DMD: variants seen among roughly 807,000 people sequenced by gnomAD.
DMD encodes the protein mutant dystrophin.
DMD carries 63 observed loss-of-function variants against 330.1 expected under a neutral mutation model. The observed-to-expected ratio is 0.19, with a 90% CI of 0.16 to 0.24. The LOEUF is 0.24. Among genes scored for constraint, DMD ranks in the 10% least tolerant of loss-of-function variants. The pLI, the probability that DMD is intolerant of heterozygous loss-of-function variation, is 1.00. For missense variants in DMD, 3,344 were observed against 2,684.1 expected (o/e 1.25, Z -5.43); for synonymous variants, 1,223 against 959.8 (o/e 1.27, Z -5.07).
At chrX:32,491,228 A>G in intron 20 of DMD, 49 bp downstream of exon 20, 1 of 1,200,752 alleles carries the variant, frequency 8.3e-7, no homozygotes, top group South Asian at 1.8e-5. Flanking sequence ...GAAATTGCCA[A>G]GAAATACCTA....
chrX:32,370,011 T>G (rs760528353), intron 34 of DMD, among the ~76,000 whole-genome samples: 2 of 111,363 alleles, frequency 1.8e-5, no homozygotes, highest in Non-Finnish European at 3.8e-5. Context: ...AGGTGAATTC[T>G]GCACTTAGTA....
At chrX:32,846,043 G>C (rs945319433) in intron 3 of DMD, among the ~76,000 whole-genome samples, 1 of 111,662 alleles carries the variant, frequency 9.0e-6, no homozygotes, top group Non-Finnish European at 1.9e-5. Flanking sequence ...TTGTACATAT[G>C]GTTTCTGGCA....
At chrX:31,892,244 TA>T (rs899784141) in intron 47 of DMD, among the ~76,000 whole-genome samples, 3 of 111,738 alleles carry the variant, frequency 2.7e-5, no homozygotes, top group African/African-American at 9.7e-5. Flanking sequence ...AACAAAAATT[TA>T]AAAAATGGAA....
chrX:32,921,884 C>T (rs755185013), intron 2 of DMD, among the ~76,000 whole-genome samples: 2 of 111,473 alleles, frequency 1.8e-5, no homozygotes, highest in Non-Finnish European at 3.8e-5. Context: ...TCTCTTCATC[C>T]ATCTCATGTT....
chrX:31,421,289 AT>A (rs2148942909), intron 60 of DMD, among the ~76,000 whole-genome samples: 1 of 112,410 alleles, frequency 8.9e-6, no homozygotes, highest in Non-Finnish European at 1.9e-5. Flanking sequence ...ACACAGAAAT[AT>A]TTTATAGAAC....
chrX:31,209,683 C>T lies in DMD; in HGVS notation c.9378G>A (p.Leu3126=). ...QKALCLDLLS[L]SAACDALDQH... ...GGTCCAAGGCATCACATGCAGCTGA[C>T]AGGCTCAAGAGATCCACTGCAAAAA... Residue 3126 remains leucine, a synonymous_variant, in exon 65 of 79, where the codon CTG becomes CTA. Coordinates refer to ENST00000357033, the MANE Select transcript of DMD (RefSeq NM_004006.3). The T allele has an allele frequency of 1.7e-6, 2 of 1,211,130 alleles. No homozygotes were observed. Among genetic ancestry groups the T allele is most frequent in the Non-Finnish European group, 2.2e-6 (2 of 895,126 alleles).
intron 43 of DMD, among the ~76,000 whole-genome samples, chrX:32,253,784 C>T (rs779593307): frequency 9.4e-6 from 1 of 106,599 alleles, no homozygotes; most frequent in Non-Finnish European, 1.9e-5. Context: ...CCACCAAGCC[C>T]GGCTAATTTT....
chrX:31,221,813 T>C (rs934385843), intron 64 of DMD, among the ~76,000 whole-genome samples: 1 of 112,512 alleles, frequency 8.9e-6, no homozygotes, highest in African/African-American at 3.2e-5. Flanking sequence ...CCCAGCACTT[T>C]GGGAGGCTGA....
intron 25 of DMD, among the ~76,000 whole-genome samples, chrX:32,458,330 G>T (rs1484900108): frequency 5.4e-5 from 6 of 111,328 alleles, no homozygotes; most frequent in Non-Finnish European, 7.6e-5. Context: ...GCAAATGGAA[G>T]AATTTTCTTT....
intron 44 of DMD, among the ~76,000 whole-genome samples, chrX:32,008,243 G>T (rs2095678127): frequency 9.0e-6 from 1 of 111,480 alleles, no homozygotes; most frequent in African/African-American, 3.3e-5. Flanking sequence ...TAGGTGGAAA[G>T]AGTTGGAATA....
intron 61 of DMD, among the ~76,000 whole-genome samples, chrX:31,342,666 A>G (rs1172663111): frequency 8.9e-6 from 1 of 112,144 alleles, no homozygotes; most frequent in Non-Finnish European, 1.9e-5. Flanking sequence ...GATTCTTTTT[A>G]CTGTTATAGA....
chrX:31,845,031 T>TATATATATATATATGTATATGTGTATAC (rs1569474383), intron 48 of DMD, among the ~76,000 whole-genome samples: 6,054 of 71,105 alleles, frequency 0.085, 171 homozygotes, highest in African/African-American at 0.12. Context: ...TGTGTATACA[T>TATATATATATATATGTATATGTGTATAC]ATATATATAT....
chrX:31,563,128 G>A (rs1000772504), intron 55 of DMD, among the ~76,000 whole-genome samples: 2 of 110,947 alleles, frequency 1.8e-5, no homozygotes, highest in African/African-American at 3.3e-5. Context: ...ACAATGGTGC[G>A]ATCTTGGCTC....
chrX:32,753,040 T>C (rs2071034493), intron 7 of DMD, among the ~76,000 whole-genome samples: 1 of 111,084 alleles, frequency 9.0e-6, no homozygotes, highest in South Asian at 3.9e-4. Flanking sequence ...AAGCACTGAC[T>C]TCTCCCTGCT....
intron 47 of DMD, among the ~76,000 whole-genome samples, chrX:31,879,895 C>T (rs981184250): frequency 1.8e-5 from 2 of 111,852 alleles, no homozygotes; most frequent in African/African-American, 6.5e-5. Flanking sequence ...AACACCTGAC[C>T]GGTAAAATAC....
intron 44 of DMD, chrX:32,206,754 A>G: frequency 4.4e-6 from 2 of 454,817 alleles, no homozygotes; most frequent in Non-Finnish European, 4.0e-6. Flanking sequence ...TAGTTTAAAC[A>G]ATTTGTTAAA....
intron 1 of DMD, among the ~76,000 whole-genome samples, chrX:33,034,112 C>T (rs5927132): frequency 0.32 from 34,866 of 109,127 alleles, 4,497 homozygotes; most frequent in East Asian, 0.73. Flanking sequence ...ACATATATAA[C>T]ATATAAAGTT....
chrX:32,313,754 A>G (rs1007246671), intron 41 of DMD, among the ~76,000 whole-genome samples: 37 of 111,344 alleles, frequency 3.3e-4, no homozygotes, highest in African/African-American at 1.2e-3. Context: ...CTATAAACCA[A>G]TAACAGACAG....
At chrX:33,010,718 C>G (rs1468267905) in intron 2 of DMD, among the ~76,000 whole-genome samples, 1 of 111,381 alleles carries the variant, frequency 9.0e-6, no homozygotes, top group African/African-American at 3.3e-5. Context: ...AAATCAAGTA[C>G]TTGCATTGAT....
Sources: gnomAD v4.1 joint callset for allele counts (sites outside exome capture counted in the v4.1 genomes callset) on GRCh38, gnomAD v4.1.1 for gene constraint, MANE v1.5 for transcripts, NCBI Gene and HGNC (gene_info 2026-07-23, HGNC 2026-07-21) for gene names.